Variants in PRH1 observed in about 807,000 individuals in gnomAD.
The protein encoded by PRH1 is proline rich protein HaeIII subfamily 1.
A neutral mutation model predicts 7.9 loss-of-function variants in PRH1; 7 were observed. The observed-to-expected ratio is 0.89, with a 90% CI of 0.50 to 1.67. PRH1 has a LOEUF of 1.67. Ranked by LOEUF, PRH1 falls within the 40% of genes most tolerant of loss-of-function variation. The pLI is 0.00. For missense variants in PRH1, 109 were observed against 223.6 expected, an observed-to-expected ratio of 0.49 and a Z score of 3.27; for synonymous variants, 45 against 80.8, an observed-to-expected ratio of 0.56 and a Z score of 2.38.
intron 1 of PRH1, among the ~76,000 whole-genome samples, chr12:10,983,693 G>C (rs1939469894): frequency 6.6e-6 from 1 of 152,162 alleles, no homozygotes; most frequent in Non-Finnish European, 1.5e-5. Flanking sequence ...GCCGGCTGTG[G>C]TTTCCCCTTG....
At chr12:11,153,181 G>A (rs1384273079) in intron 1 of PRH1, among the ~76,000 whole-genome samples, 1 of 152,134 alleles carries the variant, frequency 6.6e-6, no homozygotes, top group Admixed American at 6.5e-5. Flanking sequence ...GTAGAATAGG[G>A]TTCGTTGCTG....
chr12:11,134,512 G>T, intron 1 of PRH1: 1 of 418,524 alleles, frequency 2.4e-6, no homozygotes, highest in Non-Finnish European at 4.2e-6. Flanking sequence ...TCTTGTTATA[G>T]GCTGGAATTA....
chr12:11,132,616 A>C (rs1946391047), intron 1 of PRH1, among the ~76,000 whole-genome samples: 1 of 152,284 alleles, frequency 6.6e-6, no homozygotes, highest in Non-Finnish European at 1.5e-5. Flanking sequence ...ATTTTTTTCT[A>C]AGCTATTCAC....
chr12:10,936,271 G>A (rs770342654), intron 2 of PRH1, among the ~76,000 whole-genome samples: 19 of 151,918 alleles, frequency 1.3e-4, no homozygotes, highest in Middle Eastern at 3.2e-3. Flanking sequence ...TAAACATAAG[G>A]CCCAGGCTAA....
chr12:11,137,105 A>G (rs1315646267), intron 1 of PRH1, among the ~76,000 whole-genome samples: 1 of 152,152 alleles, frequency 6.6e-6, no homozygotes, highest in Non-Finnish European at 1.5e-5. Context: ...TCATCACCAC[A>G]AACTCACCTT....
intron 1 of PRH1, among the ~76,000 whole-genome samples, chr12:11,146,627 T>C (rs1212643640): frequency 6.6e-6 from 1 of 152,184 alleles, no homozygotes; most frequent in Non-Finnish European, 1.5e-5. Flanking sequence ...TTCGTGGTTT[T>C]TGTATCTTTC....
intron 1 of PRH1, among the ~76,000 whole-genome samples, chr12:10,990,411 T>C (rs1203566262): frequency 6.6e-6 from 1 of 152,196 alleles, no homozygotes; most frequent in Non-Finnish European, 1.5e-5. Flanking sequence ...GGGACACAAG[T>C]ACGAAGTCCC....
intron 2 of PRH1, among the ~76,000 whole-genome samples, chr12:10,969,168 G>C (rs138381265): frequency 4.2e-4 from 64 of 152,334 alleles, no homozygotes; most frequent in African/African-American, 1.3e-3. Context: ...AAGTCCGGCT[G>C]TCTCCAGCCA....
At chr12:11,084,181 G>T (rs79535933) in intron 1 of PRH1, among the ~76,000 whole-genome samples, 38,360 of 87,698 alleles carry the variant, frequency 0.44, 4,288 homozygotes, top group Non-Finnish European at 0.53. Context: ...TTGTTCCGTG[G>T]GCTCTTGGGA....
At chr12:11,015,164 G>A (rs10845290) in intron 1 of PRH1, among the ~76,000 whole-genome samples, 34,036 of 151,758 alleles carry the variant, frequency 0.22, 618 homozygotes, top group East Asian at 0.46. Flanking sequence ...AACACACTGC[G>A]CATGCTCACC....
chr12:11,101,746 C>T (rs1430187251), intron 1 of PRH1, among the ~76,000 whole-genome samples: 1 of 152,026 alleles, frequency 6.6e-6, no homozygotes, highest in Non-Finnish European at 1.5e-5. Context: ...ATTGATGTTA[C>T]CATACCTTGG....
chr12:11,171,157 A>C (rs1947825859), intron 1 of PRH1: 1 of 395,372 alleles, frequency 2.5e-6, no homozygotes. Context: ...CACAGTGAGA[A>C]GCAGACAGGA....
At chr12:10,978,078 TAA>T (rs34256878) in intron 1 of PRH1, among the ~76,000 whole-genome samples, 7 of 131,062 alleles carry the variant, frequency 5.3e-5, no homozygotes, top group Admixed American at 2.3e-4. Flanking sequence ...TCATATGGAA[TAA>T]AAAAAAAAAA....
Position 11,087,600 on chromosome 12 carries a change from A to G in PRH1, n.124-40412T>C, listed in dbSNP as rs1344524428. Among the ~76,000 whole-genome samples, 6 of 116,946 alleles carry G rather than the reference A, an allele frequency of 5.1e-5. 3 individuals carry two copies. Among genetic ancestry groups the G allele is most frequent in the Non-Finnish European group, 1.2e-4 (6 of 49,288 alleles). 76.7% of individuals were successfully genotyped at this position (116,946 alleles called of 152,430 possible). ...AGCAGGACCAAAGGGAAGCCTCTGA[A>G]ATTCTCCTCTACTGGCAACACAATG... On this transcript the variant is annotated intron_variant and non_coding_transcript_variant, in intron 1 of 4. Transcript: ENST00000541977.
intron 2 of PRH1, among the ~76,000 whole-genome samples, chr12:10,901,944 C>A (rs1165326197): frequency 1.3e-5 from 2 of 151,888 alleles, no homozygotes; most frequent in African/African-American, 4.8e-5. Context: ...ATTCTACCAC[C>A]ATAAAAAAAG....
intron 1 of PRH1, among the ~76,000 whole-genome samples, chr12:11,156,111 T>C (rs960750791): frequency 2.0e-5 from 3 of 152,224 alleles, no homozygotes; most frequent in African/African-American, 7.2e-5. Flanking sequence ...CAGTAACTTT[T>C]TTCTATCTGA....
At chr12:11,151,719 T>C (rs1399008437) in intron 1 of PRH1, among the ~76,000 whole-genome samples, 1 of 152,214 alleles carries the variant, frequency 6.6e-6, no homozygotes, top group Non-Finnish European at 1.5e-5. Context: ...CCTGTAGTTG[T>C]TTAGGGGATA....
intron 1 of PRH1, among the ~76,000 whole-genome samples, chr12:11,054,695 C>G (rs1174560703): frequency 1.3e-5 from 2 of 151,818 alleles, no homozygotes; most frequent in Non-Finnish European, 2.9e-5. Flanking sequence ...ATTGGAAATT[C>G]ACTAATTTCT....
intron 1 of PRH1, among the ~76,000 whole-genome samples, chr12:11,131,692 C>T (rs762255536): frequency 3.1e-5 from 2 of 63,978 alleles, no homozygotes; most frequent in Non-Finnish European, 9.2e-5. Context: ...ACAGCTGCAT[C>T]AAGACTATAT....
Sources: allele counts gnomAD v4.1 joint callset (sites outside exome capture counted in the v4.1 genomes callset), GRCh38; gene constraint gnomAD v4.1.1; transcripts MANE v1.5; gene names NCBI Gene and HGNC (gene_info 2026-07-23, HGNC 2026-07-21).